The following ZNG1A variants were observed in gnomAD, a reference collection of about 807,000 sequenced individuals.
The protein encoded by ZNG1A is Zn regulated GTPase metalloprotein activator 1A.
At chr9:129,358 C>A in the ZNG1A span, among the ~76,000 whole-genome samples, 3 of 151,640 alleles carry the variant, frequency 2.0e-5, no homozygotes, top group Non-Finnish European at 4.4e-5. Flanking sequence ...ATTGAACTTG[C>A]AAATGTGAGA....
chr9:160,183 C>G, the ZNG1A span: 1 of 454,592 alleles, frequency 2.2e-6, no homozygotes, highest in Non-Finnish European at 4.4e-6. Context: ...GGGTGACAAT[C>G]CCATTAGCAT....
the ZNG1A span, among the ~76,000 whole-genome samples, chr9:157,202 C>A: frequency 1.4e-5 from 2 of 141,212 alleles, no homozygotes; most frequent in African/African-American, 2.7e-5. Context: ...TCTCCAGAGT[C>A]AGGCTAACTC....
At chr9:175,215 T>C in the ZNG1A span, among the ~76,000 whole-genome samples, 137 of 152,150 alleles carry the variant, frequency 9.0e-4, 3 homozygotes, top group East Asian at 0.025. Context: ...CTGTCTCTAC[T>C]AAAAATACAA....
At chr9:132,366 A>AG in the ZNG1A span, among the ~76,000 whole-genome samples, 4 of 127,988 alleles carry the variant, frequency 3.1e-5, no homozygotes, top group Non-Finnish European at 6.5e-5. Flanking sequence ...AAAAAAAAAA[A>AG]AAATACAAAA....
the ZNG1A span, among the ~76,000 whole-genome samples, chr9:141,297 T>G: frequency 7.8e-6 from 1 of 127,832 alleles, no homozygotes; most frequent in African/African-American, 3.1e-5. Context: ...GAGAGAAAGC[T>G]CGGGTTACCC....
At chr9:144,790 C>A in the ZNG1A span, among the ~76,000 whole-genome samples, 3 of 150,910 alleles carry the variant, frequency 2.0e-5, no homozygotes, top group African/African-American at 7.3e-5. Context: ...TTTTTGCAAC[C>A]TACTCATCTG....
At chr9:139,275 A>C in the ZNG1A span, among the ~76,000 whole-genome samples, 1 of 150,852 alleles carries the variant, frequency 6.6e-6, no homozygotes. Flanking sequence ...CAGAAAGACA[A>C]ATAATGCATG....
At chr9:152,221 A>G in the ZNG1A span, 1 of 381,890 alleles carries the variant, frequency 2.6e-6, no homozygotes, top group Non-Finnish European at 4.8e-6. Flanking sequence ...AAAAACAGAA[A>G]AACAAAACTT....
the ZNG1A span, among the ~76,000 whole-genome samples, chr9:143,224 A>T: frequency 3.1e-4 from 44 of 141,854 alleles, no homozygotes; most frequent in Middle Eastern, 3.5e-3. Context: ...TACCAAAGCC[A>T]GGCAGAGACA....
At chr9:130,159 C>T in the ZNG1A span, among the ~76,000 whole-genome samples, 3 of 150,566 alleles carry the variant, frequency 2.0e-5, no homozygotes, top group Non-Finnish European at 4.4e-5. Flanking sequence ...TAAACATACT[C>T]TATTTTAAAA....
At chr9:166,078 C>T in the ZNG1A span, 1 of 142,478 alleles carries the variant, frequency 7.0e-6, no homozygotes, top group Admixed American at 7.0e-5. Flanking sequence ...TGAGTTTTAA[C>T]CATCTCTTTG....
At chr9:143,533 T>C in the ZNG1A span, among the ~76,000 whole-genome samples, 11 of 115,722 alleles carry the variant, frequency 9.5e-5, no homozygotes, top group Non-Finnish European at 1.2e-4. Context: ...TAGGTATTGA[T>C]GGGACGTATT....
the ZNG1A span, among the ~76,000 whole-genome samples, chr9:173,611 C>T: frequency 6.6e-6 from 1 of 152,128 alleles, no homozygotes; most frequent in African/African-American, 2.4e-5. Context: ...CCTACTTCCT[C>T]CTTAGGCCTC....
the ZNG1A span, among the ~76,000 whole-genome samples, chr9:140,109 C>A: frequency 4.0e-5 from 6 of 150,796 alleles, no homozygotes; most frequent in East Asian, 1.9e-4. Context: ...ATTGCCCAGG[C>A]TTGATTAGGT....
chr9:143,046 T>C, the ZNG1A span, among the ~76,000 whole-genome samples: 1 of 147,718 alleles, frequency 6.8e-6, no homozygotes, highest in African/African-American at 2.6e-5. Flanking sequence ...ATTGTGTCAA[T>C]AATCAATAGC....
chr9:163,724 C>A, the ZNG1A span, among the ~76,000 whole-genome samples: 1 of 151,654 alleles, frequency 6.6e-6, no homozygotes, highest in African/African-American at 2.4e-5. Context: ...CAAGACCAGT[C>A]AGGCCAACAT....
the ZNG1A span, among the ~76,000 whole-genome samples, chr9:145,195 G>A: frequency 2.4e-4 from 36 of 151,838 alleles, 1 homozygote; most frequent in Middle Eastern, 3.4e-3. Context: ...TCCCATTACT[G>A]GGTATATACC....
the ZNG1A span, chr9:150,234 C>G: frequency 7.9e-6 from 1 of 126,050 alleles, no homozygotes; most frequent in Non-Finnish European, 1.6e-5. Context: ...TCACGCCATT[C>G]TCCTGCCTCA....
At chr9:177,916 A>C in the ZNG1A span, 1 of 1,504,068 alleles carries the variant, frequency 6.6e-7, no homozygotes, top group Non-Finnish European at 9.0e-7. Flanking sequence ...TAAAAAAAAC[A>C]AAAGCAGTTA....
Sources: gnomAD v4.1 joint callset for allele counts (sites outside exome capture counted in the v4.1 genomes callset) on GRCh38, gnomAD v4.1.1 for gene constraint, MANE v1.5 for transcripts, NCBI Gene and HGNC (gene_info 2026-07-23, HGNC 2026-07-21) for gene names.